Variants in PIK3C2G observed in about 807,000 individuals in gnomAD.
PIK3C2G encodes phosphatidylinositol-4-phosphate 3-kinase catalytic subunit type 2 gamma, also known as phosphatidylinositol 3-kinase C2 domain-containing subunit gamma.
PIK3C2G carries 168 observed loss-of-function variants against 181.1 expected under a neutral mutation model. That is an observed-to-expected ratio of 0.93 (90% CI 0.82 to 1.05). The LOEUF (loss-of-function observed/expected upper bound fraction) is 1.05. PIK3C2G is among the 50% of genes least tolerant of loss of function. PIK3C2G has a pLI of 0.00. For missense variants in PIK3C2G, 1,869 were observed against 1,732.8 expected (o/e 1.08, Z -1.40); for synonymous variants, 573 against 592.2 (o/e 0.97, Z 0.47).
At chr12:18,369,392 T>C (rs1465600983) in intron 12 of PIK3C2G, among the ~76,000 whole-genome samples, 1 of 152,214 alleles carries the variant, frequency 6.6e-6, no homozygotes, top group Non-Finnish European at 1.5e-5. Context: ...AACACCAGGC[T>C]TCTCTGAGGC....
intron 25 of PIK3C2G, among the ~76,000 whole-genome samples, chr12:18,538,594 A>T (rs1226296826): frequency 6.6e-6 from 1 of 151,988 alleles, no homozygotes; most frequent in Admixed American, 6.6e-5. Context: ...CAGTAATTTT[A>T]AAAATAATGC....
At chr12:18,356,525 G>C (rs901409567) in intron 11 of PIK3C2G, among the ~76,000 whole-genome samples, 11 of 152,126 alleles carry the variant, frequency 7.2e-5, no homozygotes, top group African/African-American at 2.7e-4. Context: ...TCCACGGACA[G>C]CTTAAGTGTC....
At chr12:18,300,556 T>A (rs192841677) in intron 5 of PIK3C2G, among the ~76,000 whole-genome samples, 360 of 152,232 alleles carry the variant, frequency 2.4e-3, no homozygotes, top group African/African-American at 8.5e-3. Flanking sequence ...GGTCATTTTT[T>A]AAAATCCATT....
intron 30 of PIK3C2G, among the ~76,000 whole-genome samples, chr12:18,608,066 T>C (rs1315228763): frequency 6.6e-6 from 1 of 151,936 alleles, no homozygotes; most frequent in Non-Finnish European, 1.5e-5. Context: ...ATGTGGAGGA[T>C]GTGGAGGATG....
chr12:18,306,523 C>G (rs1950427423), intron 5 of PIK3C2G, among the ~76,000 whole-genome samples: 1 of 151,956 alleles, frequency 6.6e-6, no homozygotes, highest in African/African-American at 2.4e-5. Flanking sequence ...CTCCAAATAC[C>G]ACTTTGAGCA....
the PIK3C2G span, among the ~76,000 whole-genome samples, chr12:18,710,429 C>G: frequency 6.6e-6 from 1 of 151,786 alleles, no homozygotes; most frequent in Non-Finnish European, 1.5e-5. Context: ...GATGGAGTAG[C>G]AGGAGAGTTA....
intron 30 of PIK3C2G, among the ~76,000 whole-genome samples, chr12:18,597,930 C>G (rs1412095165): frequency 1.3e-5 from 2 of 152,088 alleles, no homozygotes; most frequent in African/African-American, 4.8e-5. Flanking sequence ...ACCTAGGAAT[C>G]CAACTTACAA....
At chr12:18,397,397 T>C (rs1943961910) in intron 15 of PIK3C2G, among the ~76,000 whole-genome samples, 1 of 151,996 alleles carries the variant, frequency 6.6e-6, no homozygotes, top group Non-Finnish European at 1.5e-5. Context: ...GTGCAAAACA[T>C]TTATATGGCA....
chr12:18,420,586 A>C (rs1218419249), intron 16 of PIK3C2G, among the ~76,000 whole-genome samples: 1 of 152,176 alleles, frequency 6.6e-6, no homozygotes, highest in Non-Finnish European at 1.5e-5. Flanking sequence ...TCCAGTTGGT[A>C]ATAACTTATT....
chr12:18,725,493 T>G, the PIK3C2G span, among the ~76,000 whole-genome samples: 1 of 151,694 alleles, frequency 6.6e-6, no homozygotes, highest in Admixed American at 6.6e-5. Flanking sequence ...AGAAAAAAAG[T>G]CAGTATACCA....
At chr12:18,472,675 T>C (rs1938569253) in intron 18 of PIK3C2G, among the ~76,000 whole-genome samples, 1 of 152,130 alleles carries the variant, frequency 6.6e-6, no homozygotes, top group African/African-American at 2.4e-5. Context: ...CCTCTAAAAA[T>C]AGAAAAGTTT....
chr12:18,553,832 G>A (rs1944860623), intron 26 of PIK3C2G, among the ~76,000 whole-genome samples: 3 of 151,946 alleles, frequency 2.0e-5, no homozygotes, highest in Admixed American at 2.0e-4. Context: ...TGTATAGTTT[G>A]CTACCTTTTA....
chr12:18,468,039 A>C (rs1165491803), intron 18 of PIK3C2G, among the ~76,000 whole-genome samples: 1 of 152,028 alleles, frequency 6.6e-6, no homozygotes, highest in Admixed American at 6.6e-5. Flanking sequence ...AAATGACATC[A>C]TCCTGTCACT....
Position 18,488,482 on chromosome 12 carries a change from T to G in PIK3C2G, c.2538T>G (p.Phe846Leu). ...LLKNAENEAYFKSWYQKLLAA... is the reference protein window; with the variant it reads ...LLKNAENEAYLKSWYQKLLAA... ...AAAATGCAGAAAATGAAGCTTATTTTAAAAGCTGGTATCAGAAGCTACTAG... is the reference window on the plus strand; with the variant it reads ...AAAATGCAGAAAATGAAGCTTATTTGAAAAGCTGGTATCAGAAGCTACTAG... Residue 846 changes from phenylalanine (F) to leucine (L), a missense_variant, in exon 19 of 33, where the codon TTT (phenylalanine) becomes TTG (leucine). Coordinates refer to ENST00000538779, the MANE Select transcript of PIK3C2G (RefSeq NM_001288772.2). 2 of 1,536,584 alleles carry G rather than the reference T, an allele frequency of 1.3e-6. No individual in the cohort carries two copies. Among genetic ancestry groups the G allele is most frequent in the Non-Finnish European group, 1.7e-6 (2 of 1,144,132 alleles).
At chr12:18,328,516 C>T (rs894900601) in intron 8 of PIK3C2G, among the ~76,000 whole-genome samples, 1 of 151,932 alleles carries the variant, frequency 6.6e-6, no homozygotes, top group African/African-American at 2.4e-5. Context: ...CAATTTCAAA[C>T]ATAACTTAAG....
chr12:18,283,944 A>G (rs1021127569), intron 2 of PIK3C2G, among the ~76,000 whole-genome samples: 4 of 152,124 alleles, frequency 2.6e-5, no homozygotes, highest in African/African-American at 9.7e-5. Context: ...TCATGCTGCT[A>G]TGCAGGCTGC....
chr12:18,658,671 A>C, the PIK3C2G span, among the ~76,000 whole-genome samples: 1 of 152,192 alleles, frequency 6.6e-6, no homozygotes, highest in East Asian at 1.9e-4. Context: ...ACATATATAC[A>C]TAACCGACCT....
At chr12:18,360,423 G>A (rs1941133124) in intron 11 of PIK3C2G, among the ~76,000 whole-genome samples, 1 of 151,954 alleles carries the variant, frequency 6.6e-6, no homozygotes, top group Admixed American at 6.6e-5. Context: ...CACCATTACG[G>A]TATTCTGTAT....
At chr12:18,297,859 C>CT (rs1434219287) in intron 5 of PIK3C2G, among the ~76,000 whole-genome samples, 1 of 151,908 alleles carries the variant, frequency 6.6e-6, no homozygotes, top group African/African-American at 2.4e-5. Flanking sequence ...GCATTTCATT[C>CT]TTTTTTAAAT....
Sources: allele counts gnomAD v4.1 joint callset (sites outside exome capture counted in the v4.1 genomes callset), GRCh38; gene constraint gnomAD v4.1.1; transcripts MANE v1.5; gene names NCBI Gene and HGNC (gene_info 2026-07-23, HGNC 2026-07-21).